Variants in IQCK observed in about 807,000 individuals in gnomAD.
IQCK encodes the protein IQ motif containing K.
Under a neutral mutation model 28.1 loss-of-function variants are expected in IQCK, and 29 were observed. The ratio of observed to expected loss-of-function variants is 1.03; its 90% confidence interval spans 0.77 to 1.41. The LOEUF (loss-of-function observed/expected upper bound fraction) is 1.41. IQCK is among the 40% of genes most tolerant of loss of function. IQCK has a pLI of 0.00. For missense variants in IQCK, 359 were observed against 314.7 expected (o/e 1.14, Z -1.07); for synonymous variants, 113 against 115.1 (o/e 0.98, Z 0.12).
chr16:19,765,181 C>T (rs1442265987), intron 6 of IQCK, among the ~76,000 whole-genome samples: 1 of 143,896 alleles, frequency 6.9e-6, no homozygotes, highest in Non-Finnish European at 1.5e-5. Flanking sequence ...CAGATGGCTC[C>T]ACTGCACTCC....
intron 4 of IQCK, among the ~76,000 whole-genome samples, chr16:19,742,428 A>C (rs1249287964): frequency 6.6e-6 from 1 of 152,170 alleles, no homozygotes; most frequent in African/African-American, 2.4e-5. Flanking sequence ...GTACCATTTC[A>C]ACATTTGTCA....
intron 1 of IQCK, among the ~76,000 whole-genome samples, chr16:19,727,420 C>T (rs1977690786): frequency 6.6e-6 from 1 of 152,128 alleles, no homozygotes; most frequent in Non-Finnish European, 1.5e-5. Context: ...AACCCCATCT[C>T]TACTAAAATA....
intron 7 of IQCK, among the ~76,000 whole-genome samples, chr16:19,822,723 G>T (rs2056091795): frequency 6.6e-6 from 1 of 152,142 alleles, no homozygotes; most frequent in Admixed American, 6.5e-5. Flanking sequence ...AAGAATGTGG[G>T]ATTTCCTTTT....
chr16:19,848,783 C>G (rs1284374507), intron 9 of IQCK, among the ~76,000 whole-genome samples: 3 of 152,188 alleles, frequency 2.0e-5, no homozygotes, highest in African/African-American at 7.2e-5. Context: ...GTGGCAGAGC[C>G]AGGATTTGAA....
chr16:19,769,275 C>A (rs912577911), intron 6 of IQCK, among the ~76,000 whole-genome samples: 4 of 152,194 alleles, frequency 2.6e-5, no homozygotes, highest in African/African-American at 4.8e-5. Context: ...TAATTAAGCT[C>A]TACCTTAGGG....
chr16:19,806,133 A>C (rs191150548), intron 7 of IQCK, among the ~76,000 whole-genome samples: 1 of 152,210 alleles, frequency 6.6e-6, no homozygotes, highest in African/African-American at 2.4e-5. Context: ...AATGAAGTTC[A>C]TTCTAGGCAG....
chr16:19,760,731 T>C (rs11862093), intron 4 of IQCK, among the ~76,000 whole-genome samples: 7,993 of 152,202 alleles, frequency 0.053, 667 homozygotes, highest in African/African-American at 0.18. Context: ...TTCTTGGATC[T>C]TGTGCAAGAA....
chr16:19,745,893 G>T (rs1324969854), intron 4 of IQCK, among the ~76,000 whole-genome samples: 2 of 152,174 alleles, frequency 1.3e-5, no homozygotes, highest in Non-Finnish European at 2.9e-5. Flanking sequence ...TCATCCTCCA[G>T]TGGGCCAGCC....
chr16:19,845,765 T>C (rs1263724869), intron 9 of IQCK, among the ~76,000 whole-genome samples: 1 of 152,232 alleles, frequency 6.6e-6, no homozygotes, highest in Non-Finnish European at 1.5e-5. Context: ...AGTAACTGCA[T>C]TACTTGTGTG....
chr16:19,736,212 C>CATT (rs1597504804), intron 4 of IQCK: 5 of 452,452 alleles, frequency 1.1e-5, no homozygotes, highest in Admixed American at 7.2e-5. Context: ...CAGTAAATAA[C>CATT]ATTAACATCA....
chr16:19,833,073 C>A (rs554453356), intron 9 of IQCK, among the ~76,000 whole-genome samples: 1 of 152,268 alleles, frequency 6.6e-6, no homozygotes, highest in South Asian at 2.1e-4. Flanking sequence ...ACATCTATCA[C>A]CCTTAGTTAC....
chr16:19,722,030 G>A (rs1190953609), intron 1 of IQCK, among the ~76,000 whole-genome samples: 2 of 152,194 alleles, frequency 1.3e-5, no homozygotes, highest in African/African-American at 4.8e-5. Flanking sequence ...TACCGACATG[G>A]ATCAGTTGTG....
chr16:19,733,561 C>CA lies in IQCK; in HGVS notation c.247-134dup, dbSNP rs565092807. On this transcript the variant is annotated intron_variant, in intron 2 of 7. Transcript: ENST00000564186. ...TAGGTGTCTCAGGAGGGAAGGGAGA[C>CA]AAAGATCTGTGCTCAGCGTACCCCC... 9.8e-5 allele frequency: 92 copies of CA among 937,808 alleles called. No homozygotes were observed. In the African/African-American group the frequency reaches 1.4e-3, roughly 14 times the overall value. The allele number at this position is 937,808 out of a possible 1,614,324, so 58.1% of individuals were successfully genotyped here.
At chr16:19,761,168 G>A in intron 4 of IQCK, 1 of 329,410 alleles carries the variant, frequency 3.0e-6, no homozygotes, top group Non-Finnish European at 6.0e-6. Context: ...ATAGGTCTCA[G>A]CCTCATTTTA....
intron 4 of IQCK, among the ~76,000 whole-genome samples, chr16:19,756,227 T>A (rs2055050334): frequency 6.6e-6 from 1 of 152,124 alleles, no homozygotes; most frequent in African/African-American, 2.4e-5. Flanking sequence ...TGATTGGCCA[T>A]AAGAGCTGGT....
intron 9 of IQCK, among the ~76,000 whole-genome samples, chr16:19,833,282 G>A (rs2056255395): frequency 6.6e-6 from 1 of 152,080 alleles, no homozygotes; most frequent in Non-Finnish European, 1.5e-5. Flanking sequence ...AAAGTAAGAT[G>A]GAAATAGAAT....
chr16:19,846,042 A>G (rs2056412297), intron 9 of IQCK, among the ~76,000 whole-genome samples: 1 of 152,160 alleles, frequency 6.6e-6, no homozygotes, highest in Non-Finnish European at 1.5e-5. Flanking sequence ...ACATCACTGC[A>G]CTCCAGCCTG....
intron 7 of IQCK, among the ~76,000 whole-genome samples, chr16:19,802,828 G>A (rs1239810263): frequency 5.3e-5 from 8 of 152,168 alleles, no homozygotes; most frequent in South Asian, 2.1e-4. Context: ...GGGTGTGTGC[G>A]TAGTCCCTTC....
chr16:19,738,228 C>A (rs1474641646), intron 4 of IQCK, among the ~76,000 whole-genome samples: 2 of 152,110 alleles, frequency 1.3e-5, no homozygotes, highest in East Asian at 1.9e-4. Context: ...GATTATACAC[C>A]AGGGAATGTC....
Sources: allele counts gnomAD v4.1 joint callset (sites outside exome capture counted in the v4.1 genomes callset), GRCh38; gene constraint gnomAD v4.1.1; transcripts MANE v1.5; gene names NCBI Gene and HGNC (gene_info 2026-07-23, HGNC 2026-07-21).